CNTN4: variants seen among roughly 807,000 people sequenced by gnomAD.
The protein encoded by CNTN4 is contactin-4.
A neutral mutation model predicts 122.5 loss-of-function variants in CNTN4; 77 were observed. The observed-to-expected ratio is 0.63, with a 90% CI of 0.52 to 0.76. The LOEUF is 0.76. CNTN4 is among the 30% of genes least tolerant of loss of function. The pLI, the probability that CNTN4 is intolerant of heterozygous loss-of-function variation, is 0.00. For synonymous variants in CNTN4, 512 were observed against 447.0 expected, an observed-to-expected ratio of 1.15 and a Z score of -1.83; for missense variants, 1,256 against 1,259.1, an observed-to-expected ratio of 1.00 and a Z score of 0.04.
At chr3:2,507,542 T>C (rs1420399140) in intron 3 of CNTN4, among the ~76,000 whole-genome samples, 1 of 151,788 alleles carries the variant, frequency 6.6e-6, no homozygotes, top group Non-Finnish European at 1.5e-5. Flanking sequence ...AAGACCAACC[T>C]GGCCAACATA....
intron 14 of CNTN4, among the ~76,000 whole-genome samples, chr3:2,993,191 A>T (rs915072038): frequency 6.6e-6 from 1 of 152,204 alleles, no homozygotes; most frequent in African/African-American, 2.4e-5. Context: ...TTTAGTGTCC[A>T]TAAATAAAGT....
intron 4 of CNTN4, among the ~76,000 whole-genome samples, chr3:2,586,277 G>C (rs921602911): frequency 6.6e-6 from 1 of 152,074 alleles, no homozygotes; most frequent in Non-Finnish European, 1.5e-5. Flanking sequence ...GTTGTTTGTT[G>C]TTGTTGTTTT....
rs1047648754 is a variant in CNTN4, at chr3:2,276,184, T to A, written c.-144-62994T>A. Among the ~76,000 whole-genome samples the A allele has an allele frequency of 2.2e-4, 33 of 152,158 alleles. No individual in the cohort carries two copies. In the South Asian group the frequency reaches 2.7e-3, roughly 12 times the overall value. The stretch of plus-strand genomic sequence containing the variant: ...AATTAATTAATTTATTTTTATTATT[T>A]TTTTTTGAGACAGAGTCTCACTCTG... On this transcript the variant is annotated intron_variant, in intron 2 of 24. Transcript: ENST00000418658.
chr3:2,122,608 C>T (rs1352659979), intron 2 of CNTN4, among the ~76,000 whole-genome samples: 3 of 151,992 alleles, frequency 2.0e-5, no homozygotes, highest in African/African-American at 7.3e-5. Context: ...AGGATAAATT[C>T]CTGAAAGAAG....
rs1047534249 is a variant in CNTN4, at chr3:2,818,002, G to C, written c.359-1484G>C. 9.8e-5 allele frequency among the ~76,000 whole-genome samples: 15 copies of C among 152,290 alleles called. 2 individuals carry two copies. Among genetic ancestry groups the C allele is most frequent in the Admixed American group, 4.6e-4 (7 of 15,298 alleles). On this transcript the variant is annotated intron_variant, in intron 6 of 24. Transcript: ENST00000418658. ...GAAATGTAATTCAAATCATAGCACT[G>C]ATTTGTTTTGTGCAGAGTATGTGTG...
intron 3 of CNTN4, among the ~76,000 whole-genome samples, chr3:2,355,432 A>G (rs2044827048): frequency 6.6e-6 from 1 of 152,176 alleles, no homozygotes; most frequent in African/African-American, 2.4e-5. Context: ...ATTTAGTCCA[A>G]ACAAGAATTT....
chr3:2,627,489 TC>T (rs1559321311), intron 4 of CNTN4, among the ~76,000 whole-genome samples: 1 of 146,930 alleles, frequency 6.8e-6, no homozygotes, highest in East Asian at 2.2e-4. Flanking sequence ...CCATTAAGTG[TC>T]TTTTTTTTTT....
intron 3 of CNTN4, among the ~76,000 whole-genome samples, chr3:2,384,074 G>C (rs2046139968): frequency 6.6e-6 from 1 of 152,146 alleles, no homozygotes; most frequent in Non-Finnish European, 1.5e-5. Flanking sequence ...TCTGCTGGGA[G>C]AATAAGATTA....
At chr3:2,296,408 G>A (rs1225774020) in intron 2 of CNTN4, among the ~76,000 whole-genome samples, 1 of 152,048 alleles carries the variant, frequency 6.6e-6, no homozygotes, top group African/African-American at 2.4e-5. Context: ...TTGTAAGTTG[G>A]ATTCCTAGGT....
intron 6 of CNTN4, among the ~76,000 whole-genome samples, chr3:2,780,694 G>A (rs1312320704): frequency 2.0e-5 from 3 of 152,164 alleles, no homozygotes; most frequent in Non-Finnish European, 4.4e-5. Flanking sequence ...AAGTGGGTTT[G>A]TAGTCCTTGC....
intron 3 of CNTN4, among the ~76,000 whole-genome samples, chr3:2,521,343 T>TCGCCCCCCC (rs781282977): frequency 4.8e-4 from 62 of 128,272 alleles, no homozygotes; most frequent in Admixed American, 9.8e-4. Context: ...CCTCTACCCA[T>TCGCCCCCCC]CCCCCCCACC....
rs540893847 is a variant in CNTN4, at chr3:2,569,101, A to G, written c.-88-2315A>G. 6.4e-4 allele frequency among the ~76,000 whole-genome samples: 97 copies of G among 152,316 alleles called. 1 individual carries two copies. Among genetic ancestry groups the G allele is most frequent in the African/African-American group, 2.2e-3 (91 of 41,572 alleles). Reference sequence around the variant, plus strand: ...TCAGAAGAGTATCTGAACATATCCAATTAGAGATACGGCCAGCTTTCTGCC... The same window carrying G: ...TCAGAAGAGTATCTGAACATATCCAGTTAGAGATACGGCCAGCTTTCTGCC... On this transcript the variant is annotated intron_variant, in intron 3 of 24. Transcript: ENST00000418658.
intron 6 of CNTN4, among the ~76,000 whole-genome samples, chr3:2,767,044 T>C (rs183785631): frequency 1.6e-4 from 25 of 152,232 alleles, no homozygotes; most frequent in Admixed American, 1.6e-3. Context: ...GAAAAAATGG[T>C]CTTGGTGTAT....
intron 7 of CNTN4, among the ~76,000 whole-genome samples, chr3:2,838,914 C>G (rs1196539813): frequency 6.6e-6 from 1 of 152,196 alleles, no homozygotes. Flanking sequence ...ATCAGAGAGA[C>G]AGCCAGAGAA....
intron 10 of CNTN4, among the ~76,000 whole-genome samples, chr3:2,894,804 T>G (rs528858314): frequency 6.6e-6 from 1 of 152,316 alleles, no homozygotes; most frequent in East Asian, 1.9e-4. Context: ...CCCAACAGCC[T>G]TTTTGAAAAT....
intron 2 of CNTN4, among the ~76,000 whole-genome samples, chr3:2,116,156 C>G (rs1351659688): frequency 6.6e-6 from 1 of 152,130 alleles, no homozygotes. Context: ...ATGTTAGAAA[C>G]AAAGCATTGC....
At chr3:2,722,411 A>G (rs1292379954) in intron 4 of CNTN4, among the ~76,000 whole-genome samples, 4 of 152,150 alleles carry the variant, frequency 2.6e-5, no homozygotes, top group African/African-American at 9.6e-5. Context: ...CTTAGTTGAC[A>G]TGTTTCTCAA....
chr3:2,114,413 T>A (rs1420121097), intron 2 of CNTN4, among the ~76,000 whole-genome samples: 1 of 152,134 alleles, frequency 6.6e-6, no homozygotes, highest in Non-Finnish European at 1.5e-5. Context: ...TGTGCTGTGA[T>A]CCTGTCACTG....
chr3:2,520,548 A>G (rs920342913), intron 3 of CNTN4, among the ~76,000 whole-genome samples: 47 of 152,234 alleles, frequency 3.1e-4, no homozygotes, highest in African/African-American at 1.1e-3. Flanking sequence ...TGCTAAGATT[A>G]CAGGCATGAG....
Sources: gnomAD v4.1 joint callset for allele counts (sites outside exome capture counted in the v4.1 genomes callset) on GRCh38, gnomAD v4.1.1 for gene constraint, MANE v1.5 for transcripts, NCBI Gene and HGNC (gene_info 2026-07-23, HGNC 2026-07-21) for gene names.